Variants in MAGI1 observed in about 807,000 individuals in gnomAD.
MAGI1 encodes the protein membrane-associated guanylate kinase, WW and PDZ domain-containing protein 1.
MAGI1 carries 58 observed loss-of-function variants against 139.9 expected under a neutral mutation model. The observed-to-expected ratio is 0.41, with a 90% CI of 0.34 to 0.52. MAGI1 has a LOEUF of 0.52. Among genes scored for constraint, MAGI1 ranks in the 20% least tolerant of loss-of-function variants. The pLI, the probability that MAGI1 is intolerant of heterozygous loss-of-function variation, is 0.12. For synonymous variants in MAGI1, 812 were observed against 737.9 expected (o/e 1.10, Z -1.63); for missense variants, 1,874 against 1,901.6 (o/e 0.99, Z 0.27).
intron 1 of MAGI1, among the ~76,000 whole-genome samples, chr3:65,740,084 A>T (rs1447348372): frequency 2.6e-5 from 4 of 152,226 alleles, no homozygotes; most frequent in Non-Finnish European, 5.9e-5. Flanking sequence ...GCACTAGTTT[A>T]TCTGAAGCCT....
chr3:66,014,584 C>T (rs1357036396), intron 1 of MAGI1, among the ~76,000 whole-genome samples: 1 of 152,184 alleles, frequency 6.6e-6, no homozygotes, highest in Non-Finnish European at 1.5e-5. Flanking sequence ...CACAGCCCCA[C>T]ATATATCTTT....
chr3:65,988,341 C>T (rs1478615881), intron 1 of MAGI1, among the ~76,000 whole-genome samples: 1 of 152,134 alleles, frequency 6.6e-6, no homozygotes, highest in African/African-American at 2.4e-5. Flanking sequence ...ACAATGTTGG[C>T]GACTGGCCCC....
At chr3:65,444,417 A>G (rs1948541951) in intron 7 of MAGI1, among the ~76,000 whole-genome samples, 1 of 151,952 alleles carries the variant, frequency 6.6e-6, no homozygotes, top group Non-Finnish European at 1.5e-5. Flanking sequence ...ATACATTTGT[A>G]TAGGGCAGAA....
intron 1 of MAGI1, among the ~76,000 whole-genome samples, chr3:65,705,349 T>G (rs1312744943): frequency 5.9e-5 from 9 of 152,208 alleles, no homozygotes; most frequent in Non-Finnish European, 1.5e-5. Flanking sequence ...TTTACTGAAA[T>G]TCTAATTAAA....
chr3:65,764,596 G>A (rs1390612175), intron 1 of MAGI1, among the ~76,000 whole-genome samples: 1 of 152,156 alleles, frequency 6.6e-6, no homozygotes, highest in East Asian at 1.9e-4. Context: ...AGGCCTTTTG[G>A]AAAGATCACC....
chr3:65,891,885 AATATAT>A lies in MAGI1; in HGVS notation c.313+146105_313+146110del, dbSNP rs55826911. 9.1e-3 allele frequency among the ~76,000 whole-genome samples: 339 copies of A among 37,436 alleles called. 20 individuals are homozygous for A. Among genetic ancestry groups the A allele is most frequent in the African/African-American group, 0.01 (141 of 13,536 alleles). The allele number at this position is 37,436 out of a possible 152,430, so 24.6% of individuals were successfully genotyped here. The stretch of plus-strand genomic sequence containing the variant: ...AAATGTACCCTAGAACTTAAAGTAT[AATATAT>A]ATATATATATATATATATATATATA... On this transcript the variant is annotated intron_variant, in intron 1 of 22. Transcript: ENST00000402939.
At chr3:65,704,852 T>C (rs2029888923) in intron 1 of MAGI1, among the ~76,000 whole-genome samples, 4 of 152,150 alleles carry the variant, frequency 2.6e-5, no homozygotes, top group African/African-American at 9.7e-5. Context: ...CATCACAGTC[T>C]GCAGTAGATG....
chr3:65,918,364 C>T (rs2062007530), intron 1 of MAGI1, among the ~76,000 whole-genome samples: 1 of 148,440 alleles, frequency 6.7e-6, no homozygotes, highest in Non-Finnish European at 1.5e-5. Flanking sequence ...GTGCATTATA[C>T]TCTTGCTCCA....
At chr3:65,818,748 C>T (rs551107160) in intron 1 of MAGI1, among the ~76,000 whole-genome samples, 1 of 152,224 alleles carries the variant, frequency 6.6e-6, no homozygotes, top group South Asian at 2.1e-4. Flanking sequence ...AACTTTTATT[C>T]TGAGAGCACG....
At chr3:65,596,972 G>A (rs2082235793) in intron 2 of MAGI1, among the ~76,000 whole-genome samples, 1 of 152,078 alleles carries the variant, frequency 6.6e-6, no homozygotes, top group Non-Finnish European at 1.5e-5. Flanking sequence ...GAGGAGAATC[G>A]CAGCCCTTCC....
intron 1 of MAGI1, among the ~76,000 whole-genome samples, chr3:65,713,557 A>G (rs567778059): frequency 1.3e-5 from 2 of 152,230 alleles, no homozygotes; most frequent in African/African-American, 4.8e-5. Flanking sequence ...AGCCCCAACA[A>G]TTTTTGAGAA....
intron 2 of MAGI1, among the ~76,000 whole-genome samples, chr3:65,571,300 T>C (rs1356495454): frequency 6.6e-6 from 1 of 152,182 alleles, no homozygotes; most frequent in African/African-American, 2.4e-5. Flanking sequence ...AAATATATGA[T>C]ACAAATTTTT....
chr3:65,590,668 G>A (rs1425529811), intron 2 of MAGI1, among the ~76,000 whole-genome samples: 1 of 152,110 alleles, frequency 6.6e-6, no homozygotes, highest in East Asian at 1.9e-4. Context: ...CATCCTTGCA[G>A]AGAGCTAAGT....
intron 1 of MAGI1, among the ~76,000 whole-genome samples, chr3:65,691,869 C>T (rs141382206): frequency 5.3e-5 from 8 of 152,300 alleles, no homozygotes; most frequent in Non-Finnish European, 1.0e-4. Context: ...AAAATAAGTG[C>T]TTAAACCAGT....
rs969522673 is a variant in MAGI1, at chr3:66,038,899, G to T, written c.-591C>A. The T allele has an allele frequency of 3.3e-5, 5 of 152,064 alleles. 1 individual carries two copies. In the South Asian group the frequency reaches 6.2e-4, roughly 19 times the overall value. 9.4% of individuals were successfully genotyped at this position (152,064 alleles called of 1,614,324 possible). The stretch of plus-strand genomic sequence containing the variant: ...CGCGCCGCGGAGCGCAGCGGCCGGC[G>T]ACAGGAGACGCGCGCGCATGCGCCC... On this transcript the variant is annotated 5_prime_UTR_variant, in exon 1 of 23. It introduces an in-frame stop codon into an upstream open reading frame of the 5' UTR. Coordinates refer to ENST00000402939, the MANE Select transcript of MAGI1 (RefSeq NM_001033057.2).
At chr3:65,935,079 C>T (rs2062982559) in intron 1 of MAGI1, among the ~76,000 whole-genome samples, 1 of 152,110 alleles carries the variant, frequency 6.6e-6, no homozygotes, top group African/African-American at 2.4e-5. Context: ...AGAGAGGTTA[C>T]AGTTCCCCAA....
chr3:65,685,526 A>G (rs2087945856), intron 1 of MAGI1, among the ~76,000 whole-genome samples: 1 of 152,216 alleles, frequency 6.6e-6, no homozygotes, highest in African/African-American at 2.4e-5. Flanking sequence ...TATATTTTGT[A>G]TTACACACAA....
chr3:65,561,292 C>T (rs549993821), intron 2 of MAGI1, among the ~76,000 whole-genome samples: 3 of 152,236 alleles, frequency 2.0e-5, no homozygotes, highest in Admixed American at 6.5e-5. Context: ...TTGTTTCCCC[C>T]GTATTGTTGT....
intron 1 of MAGI1, among the ~76,000 whole-genome samples, chr3:65,962,829 GGAAA>G (rs1427999599): frequency 2.4e-5 from 3 of 125,990 alleles, no homozygotes; most frequent in Admixed American, 8.1e-5. Flanking sequence ...TGTCTCGGGG[GGAAA>G]AAAAAAAAAA....
Sources: allele counts gnomAD v4.1 joint callset (sites outside exome capture counted in the v4.1 genomes callset), GRCh38; gene constraint gnomAD v4.1.1; transcripts MANE v1.5; gene names NCBI Gene and HGNC (gene_info 2026-07-23, HGNC 2026-07-21).